Variants in DNAH11 observed in about 807,000 individuals in gnomAD.
DNAH11 encodes axonemal beta dynein heavy chain 11.
In DNAH11, 442 loss-of-function variants were observed where a neutral mutation model predicts 526.0. The ratio of observed to expected loss-of-function variants is 0.84; its 90% CI spans 0.78 to 0.91. The LOEUF (loss-of-function observed/expected upper bound fraction) is 0.91. Among genes scored for constraint, DNAH11 ranks in the 40% least tolerant of loss-of-function variants. DNAH11 has a pLI of 0.00. For missense variants in DNAH11, 6,989 were observed against 5,448.7 expected (o/e 1.28, Z -8.90); for synonymous variants, 2,461 against 1,935.9 (o/e 1.27, Z -7.12).
intron 63 of DNAH11, among the ~76,000 whole-genome samples, chr7:21,810,766 G>A (rs1203080139): frequency 6.6e-6 from 1 of 152,084 alleles, no homozygotes; most frequent in Non-Finnish European, 1.5e-5. Flanking sequence ...AAGAAAGGAG[G>A]TGAGGAAAGT....
At chr7:21,582,777 A>G (rs1230382074) in intron 9 of DNAH11, among the ~76,000 whole-genome samples, 1 of 152,214 alleles carries the variant, frequency 6.6e-6, no homozygotes, top group Non-Finnish European at 1.5e-5. Flanking sequence ...AGGGTTCAAT[A>G]TCAGAAGAAA....
At chr7:21,619,710 G>C (rs1165099577) in intron 24 of DNAH11, among the ~76,000 whole-genome samples, 1 of 152,040 alleles carries the variant, frequency 6.6e-6, no homozygotes, top group Non-Finnish European at 1.5e-5. Context: ...ATTGTGTTTT[G>C]GTTAGGGATG....
Position 21,705,309 on chromosome 7 carries a change from A to C in DNAH11, c.6469-151A>C, listed in dbSNP as rs977325320. The C allele has an allele frequency of 3.5e-5, 24 of 688,678 alleles. No homozygotes were observed. In the African/African-American group the frequency reaches 4.3e-4, roughly 12 times the overall value. 42.7% of individuals were successfully genotyped at this position (688,678 alleles called of 1,614,324 possible). ...AGATCCAGGAAAAACTATACTTTTC[A>C]CTTATGGTCTATTTTAACTTTCTCT... On this transcript the variant is annotated intron_variant, in intron 38 of 81. Transcript: ENST00000409508.
intron 28 of DNAH11, among the ~76,000 whole-genome samples, chr7:21,642,248 A>C (rs1023508299): frequency 1.5e-5 from 2 of 134,382 alleles, no homozygotes; most frequent in African/African-American, 6.9e-5. Flanking sequence ...CTGTTACTAA[A>C]GGTCTATCAT....
chr7:21,885,168 C>G (rs1296845121), intron 76 of DNAH11, among the ~76,000 whole-genome samples: 1 of 19,770 alleles, frequency 5.1e-5, no homozygotes, highest in South Asian at 2.0e-3. Flanking sequence ...TCCAAATGAA[C>G]TATAAAAAAA....
intron 7 of DNAH11, chr7:21,570,517 T>C (rs1783845380): frequency 2.3e-6 from 1 of 428,022 alleles, no homozygotes; most frequent in South Asian, 4.8e-5. Context: ...TTTGATTCCA[T>C]TATTACATTG....
chr7:21,713,713 C>G (rs1302447176), intron 42 of DNAH11, among the ~76,000 whole-genome samples: 1 of 152,154 alleles, frequency 6.6e-6, no homozygotes, highest in African/African-American at 2.4e-5. Context: ...CTTCTCCAGG[C>G]TGCCTTTCCT....
chr7:21,691,170 T>G lies in DNAH11; in HGVS notation c.6041+289T>G, dbSNP rs1265301975. 4.2e-5 allele frequency among the ~76,000 whole-genome samples: 5 copies of G among 119,380 alleles called. No individual in the cohort carries two copies. The East Asian group carries it at 1.4e-3, about 34-fold the overall frequency. The allele number at this position is 119,380 out of a possible 152,430, so 78.3% of individuals were successfully genotyped here. A position where few individuals can be genotyped will look rare whatever the true frequency, so the allele number is the denominator to read the frequency against. ...ATTATAAACATAATCTTTCATAATT[T>G]TTTTTTTCTTTTTTTTTTTTTAACA... On this transcript the variant is annotated intron_variant, in intron 35 of 81. Coordinates refer to ENST00000409508, the MANE Select transcript of DNAH11 (RefSeq NM_001277115.2).
chr7:21,607,474 A>G (rs575363468), intron 20 of DNAH11, among the ~76,000 whole-genome samples: 33 of 152,278 alleles, frequency 2.2e-4, no homozygotes, highest in African/African-American at 7.7e-4. Flanking sequence ...ATTAACTATC[A>G]CAATCATCAT....
intron 56 of DNAH11, among the ~76,000 whole-genome samples, 177 bp downstream of exon 56, chr7:21,774,176 G>A (rs972763515): frequency 3.3e-5 from 5 of 152,108 alleles, no homozygotes; most frequent in African/African-American, 9.7e-5. Context: ...GGGATTGGCC[G>A]ACTCACAGCT....
At chr7:21,646,858 C>A (rs976653213) in intron 28 of DNAH11, among the ~76,000 whole-genome samples, 8 of 152,068 alleles carry the variant, frequency 5.3e-5, no homozygotes, top group Non-Finnish European at 1.0e-4. Context: ...GGAAAAAAAT[C>A]TCAAAAGTAT....
intron 1 of DNAH11, 158 bp downstream of exon 1, chr7:21,543,754 A>G: frequency 1.4e-6 from 1 of 694,322 alleles, no homozygotes; most frequent in Non-Finnish European, 2.4e-6. Flanking sequence ...ACTCCTCCCC[A>G]CGTGCACCCA....
intron 25 of DNAH11, among the ~76,000 whole-genome samples, chr7:21,623,821 G>T (rs942938621): frequency 3.3e-5 from 5 of 151,422 alleles, no homozygotes; most frequent in African/African-American, 7.3e-5. Context: ...GTTGTGGGGT[G>T]GGGGGAGGAG....
At chr7:21,826,442 T>A (rs1325400789) in intron 65 of DNAH11, among the ~76,000 whole-genome samples, 1 of 152,142 alleles carries the variant, frequency 6.6e-6, no homozygotes, top group Non-Finnish European at 1.5e-5. Context: ...AAGGGGAAAA[T>A]GTTGCTATGT....
At chr7:21,812,344 C>A (rs1336364218) in intron 63 of DNAH11, among the ~76,000 whole-genome samples, 1 of 152,118 alleles carries the variant, frequency 6.6e-6, no homozygotes, top group Non-Finnish European at 1.5e-5. Flanking sequence ...AATAGCAACT[C>A]TTTCCCACAC....
Position 21,570,101 on chromosome 7 carries a change from G to A in DNAH11, c.1227G>A (p.Leu409=), listed in dbSNP as rs749371323. ...ATAYLSPEDL[L]RGEIEESLEK... is the part of the protein sequence containing the mutation. ...CTTACCTTTCACCTGAGGACCTTTTGAGGGGAGAAATAGAAGAGTCACTGG... is the reference window on the plus strand; with the variant it reads ...CTTACCTTTCACCTGAGGACCTTTTAAGGGGAGAAATAGAAGAGTCACTGG... Residue 409 remains leucine (L), a synonymous_variant, in exon 7 of 82, where the codon TTG becomes TTA. Transcript: ENST00000409508. 5 of 1,611,462 alleles carry A rather than the reference G, an allele frequency of 3.1e-6. No homozygotes were observed. The highest frequency in any genetic ancestry group is 2.2e-5 in the South Asian group (2 of 90,684).
intron 64 of DNAH11, 120 bp from the exon 65 acceptor site, chr7:21,818,097 T>A (rs1056753234): frequency 5.4e-5 from 52 of 969,634 alleles, no homozygotes; most frequent in Non-Finnish European, 5.8e-5. Context: ...TATAAAATAG[T>A]TTTCTCTAAG....
At chr7:21,808,093 T>A (rs747436313) in intron 63 of DNAH11, 44 bp downstream of exon 63, 1 of 1,346,844 alleles carries the variant, frequency 7.4e-7, no homozygotes, top group East Asian at 2.7e-5. Context: ...AAAGATCACA[T>A]TGAAATTTCA....
At position 21,797,814 on chromosome 7, in the gene DNAH11, G is replaced by A. The variant is rs567547974; in HGVS notation, c.10027-3323G>A. ...ACCCAAACATTTGCCATTAAGTTACGTTTTCATTCAATGAAAAAAAGGAAC... is the reference window on the plus strand; with the variant it reads ...ACCCAAACATTTGCCATTAAGTTACATTTTCATTCAATGAAAAAAAGGAAC... On this transcript the variant is annotated intron_variant, in intron 61 of 81. Transcript: ENST00000409508. 4.6e-5 allele frequency among the ~76,000 whole-genome samples: 7 copies of A among 152,086 alleles called. No homozygotes were observed. The South Asian group carries it at 1.0e-3, about 23-fold the overall frequency.
Sources: allele counts gnomAD v4.1 joint callset (sites outside exome capture counted in the v4.1 genomes callset), GRCh38; gene constraint gnomAD v4.1.1; transcripts MANE v1.5; gene names NCBI Gene and HGNC (gene_info 2026-07-23, HGNC 2026-07-21).